R3HCC1: variants seen among roughly 807,000 people sequenced by gnomAD.
The protein encoded by R3HCC1 is R3H and coiled-coil domain-containing protein 1.
A neutral mutation model predicts 40.0 loss-of-function variants in R3HCC1; 32 were observed. That is an observed-to-expected ratio of 0.80 (90% confidence interval 0.60 to 1.07). The LOEUF is 1.07. Among genes scored for constraint, R3HCC1 ranks in the 50% least tolerant of loss-of-function variants. The pLI is 0.00. For synonymous variants in R3HCC1, 237 were observed against 232.8 expected (o/e 1.02, Z -0.17); for missense variants, 586 against 563.3 (o/e 1.04, Z -0.41).
chr8:23,292,191 G>A (rs1442638935), intron 5 of R3HCC1, among the ~76,000 whole-genome samples: 2 of 151,786 alleles, frequency 1.3e-5, no homozygotes, highest in African/African-American at 2.4e-5. Flanking sequence ...GCAGTGGTAC[G>A]ATCACAGCTT....
Position 23,291,528 on chromosome 8 carries a change from G to C in R3HCC1, c.1020G>C (p.Glu340Asp), listed in dbSNP as rs1802867394. 3 of 1,550,520 alleles carry C rather than the reference G, an allele frequency of 1.9e-6. No individual in the cohort carries two copies. Among genetic ancestry groups the C allele is most frequent in the Non-Finnish European group, 2.6e-6 (3 of 1,146,860 alleles). ...AGGACCTGCTGGCAACGTTTTCTGA[G>C]TTCCAGTGAGTGGTGGCTGGGGAGG... The change falls in exon 5 of 8, where the codon GAG (glutamate) becomes GAC (aspartate). Residue 340 changes from glutamate (E) to aspartate (D), a missense_variant. Coordinates refer to ENST00000265806, the MANE Select transcript of R3HCC1 (RefSeq NM_001136108.3).
intron 1 of R3HCC1, 45 bp from the exon 2 acceptor site, chr8:23,288,461 G>C: frequency 6.5e-7 from 1 of 1,528,642 alleles, no homozygotes. Flanking sequence ...CGGGAGATCC[G>C]GGGGTCTGTG....
In R3HCC1 at chr8:23,291,137, G is replaced by A. The variant is rs1802858254; in HGVS notation, c.853-224G>A. The A allele has an allele frequency of 1.3e-5, 6 of 469,642 alleles. No homozygotes were observed. The East Asian group carries it at 1.7e-4, about 13-fold the overall frequency. 29.1% of individuals were successfully genotyped at this position (469,642 alleles called of 1,614,324 possible). On this transcript the variant is annotated intron_variant, in intron 4 of 7. Coordinates refer to ENST00000265806, the MANE Select transcript of R3HCC1 (RefSeq NM_001136108.3). ...CAGGATTCTATGGAACATTATGTGT[G>A]TAATTGCCAGTCACTTAGTGGGGAC...
chr8:23,289,093 G>C lies in R3HCC1; in HGVS notation c.188G>C (p.Ser63Thr), dbSNP rs1263881006. ...ACAGCAGAGAATTTTGATCTCTTGA[G>C]CAGCTTCTCCGTTGGGGAGGGCTGG... The change falls in exon 3 of 8, where the codon AGC (serine) becomes ACC (threonine). Residue 63 changes from serine (S) to threonine (T), a missense_variant. Transcript: ENST00000265806. 1.3e-6 allele frequency: 2 copies of C among 1,536,496 alleles called. No homozygotes were observed. Among genetic ancestry groups the C allele is most frequent in the Admixed American group, 3.9e-5 (2 of 51,008 alleles).
At chr8:23,295,045 C>T (rs1232311580) in intron 7 of R3HCC1, among the ~76,000 whole-genome samples, 181 bp downstream of exon 7, 1 of 152,084 alleles carries the variant, frequency 6.6e-6, no homozygotes, top group African/African-American at 2.4e-5. Flanking sequence ...GGGCTGTGTT[C>T]CCCCTCCCTA....
rs1233229099 is a variant in R3HCC1, at chr8:23,293,381, A to AC, written c.1096+13dup. Reference sequence around the variant, plus strand: ...TTCCCTGCCTGGCCTCAGGTAAGGCACCCCCAGTGGGCCCAGCCCTTGCTC... The same window carrying AC: ...TTCCCTGCCTGGCCTCAGGTAAGGCACCCCCCAGTGGGCCCAGCCCTTGCTC... On this transcript the variant is annotated intron_variant, in intron 6 of 7. Transcript: ENST00000265806. 18 of 1,548,714 alleles carry AC rather than the reference A, an allele frequency of 1.2e-5. No homozygotes were observed. Among genetic ancestry groups the AC allele is most frequent in the Non-Finnish European group, 1.3e-5 (15 of 1,144,914 alleles).
Position 23,291,449 on chromosome 8 carries a change from A to G in R3HCC1, c.941A>G (p.Lys314Arg). ...TTCGTGGAGGAGCTGCCTGGAGAGA[A>G]GGACCTTGCCCACGTGGTAGAGATC... The change falls in exon 5 of 8, where the codon AAG becomes AGG. Residue 314 changes from lysine to arginine, a missense_variant. By Grantham distance (26) the Lys-to-Arg change is conservative (BLOSUM62 2). Transcript: ENST00000265806. 1 of 1,551,718 alleles carries G rather than the reference A, an allele frequency of 6.4e-7. No homozygotes were observed. The highest frequency in any genetic ancestry group is 8.7e-7 in the Non-Finnish European group (1 of 1,146,966).
Position 23,290,320 on chromosome 8 carries a change from G to C in R3HCC1, c.703G>C (p.Gly235Arg). The C allele has an allele frequency of 1.3e-6, 2 of 1,551,782 alleles. No individual in the cohort carries two copies. The highest frequency in any genetic ancestry group is 4.9e-5 in the East Asian group (2 of 40,930). Reference sequence around the variant, plus strand: ...CATGGTGGAGATGGCCACACGGTTTGGGTCCACCCTGCAGCTAGACCTGGA... The same window carrying C: ...CATGGTGGAGATGGCCACACGGTTTCGGTCCACCCTGCAGCTAGACCTGGA... Residue 235 changes from glycine to arginine, a missense_variant, in exon 4 of 8, where the codon GGG (glycine) becomes CGG (arginine). Coordinates refer to ENST00000265806, the MANE Select transcript of R3HCC1 (RefSeq NM_001136108.3).
chr8:23,291,960 A>AG (rs1802877227), intron 5 of R3HCC1, among the ~76,000 whole-genome samples: 1 of 152,156 alleles, frequency 6.6e-6, no homozygotes, highest in Non-Finnish European at 1.5e-5. Flanking sequence ...GGCAGAGTGG[A>AG]GGTCGGAATG....
chr8:23,288,976 C>T (rs1442245660), intron 2 of R3HCC1, 40 bp from the exon 3 acceptor site: 3 of 1,534,398 alleles, frequency 2.0e-6, no homozygotes, highest in African/African-American at 2.7e-5. Flanking sequence ...GGGGCCAGGC[C>T]CTGGACACCT....
rs1265816909 is a variant in R3HCC1 at position 23,289,889 on chromosome 8, C to G, written c.272C>G (p.Ser91Cys). The stretch of plus-strand genomic sequence containing the variant: ...AGGGTACCCAGTTCGGATGGCCTCT[C>G]TGGCCCCTGCCGCGCTCCTGCCTCC... The change falls in exon 4 of 8, where the codon TCT (serine) becomes TGT (cysteine). Residue 91 changes from serine (S) to cysteine (C), a missense_variant. Coordinates refer to ENST00000265806, the MANE Select transcript of R3HCC1 (RefSeq NM_001136108.3). 29 of 1,526,818 alleles carry G rather than the reference C, an allele frequency of 1.9e-5. No individual in the cohort carries two copies. The East Asian group carries it at 2.2e-4, about 12-fold the overall frequency. The allele number at this position is 1,526,818 out of a possible 1,614,324, so 94.6% of individuals were successfully genotyped here. A position where few individuals can be genotyped will look rare whatever the true frequency, so the allele number is the denominator to read the frequency against.
chr8:23,288,438 C>T (rs529548426), intron 1 of R3HCC1, 68 bp from the exon 2 acceptor site: 5 of 1,518,526 alleles, frequency 3.3e-6, no homozygotes, highest in South Asian at 1.2e-5. Context: ...TCGGTGCCGG[C>T]GTTGCGGGGT....
At chr8:23,295,851 C>T in intron 7 of R3HCC1, 116 bp from the exon 8 acceptor site, 5 of 1,363,346 alleles carry the variant, frequency 3.7e-6, no homozygotes, top group Middle Eastern at 1.9e-4. Context: ...TGGGCCGAGG[C>T]CCCACATGTG....
In R3HCC1 at chr8:23,289,972, C is replaced by T. The variant is rs1181909502; in HGVS notation, c.355C>T (p.Pro119Ser). 6.5e-7 allele frequency: 1 copy of T among 1,536,418 alleles called. No individual in the cohort carries two copies. Among genetic ancestry groups the T allele is most frequent in the Admixed American group, 2.0e-5 (1 of 51,010 alleles). Residue 119 changes from proline (P) to serine (S), a missense_variant, in exon 4 of 8, where the codon CCC becomes TCC. Transcript: ENST00000265806. ...CTCCAACCAAGGAGCAGCTGCGGTT[C>T]CCCGAGGTGCCCGGGCTGGCCGGTG...
rs1437040368 is a variant in R3HCC1, at chr8:23,293,349, G to C, written c.1072G>C (p.Gly358Arg). Residue 358 changes from glycine to arginine, a missense_variant, in exon 6 of 8, where the codon GGC (glycine) becomes CGC (arginine). Coordinates refer to ENST00000265806, the MANE Select transcript of R3HCC1 (RefSeq NM_001136108.3). ...GTGGGTGGATGATACTCACGCACTC[G>C]GCATCTTTCCCTGCCTGGCCTCAGG... The C allele has an allele frequency of 1.3e-6, 2 of 1,551,330 alleles. No individual in the cohort carries two copies.
At chr8:23,290,588 T>C in intron 4 of R3HCC1, 119 bp downstream of exon 4, 1 of 1,193,236 alleles carries the variant, frequency 8.4e-7, no homozygotes, top group Non-Finnish European at 1.1e-6. Flanking sequence ...GAGGTAGGGC[T>C]GGGTGTTGGG....
intron 1 of R3HCC1, 151 bp downstream of exon 1, chr8:23,288,308 C>A: frequency 9.0e-7 from 1 of 1,106,982 alleles, no homozygotes; most frequent in Non-Finnish European, 1.2e-6. Context: ...CGACCGCAGG[C>A]GGGGACGAGA....
chr8:23,294,632 A>G, intron 6 of R3HCC1, 137 bp from the exon 7 acceptor site: 1 of 681,484 alleles, frequency 1.5e-6, no homozygotes, highest in Non-Finnish European at 2.6e-6. Flanking sequence ...TCTCTTGCCC[A>G]TCCAGGGCGG....
intron 6 of R3HCC1, among the ~76,000 whole-genome samples, chr8:23,293,876 C>T (rs1466465136): frequency 1.3e-5 from 2 of 152,182 alleles, no homozygotes; most frequent in Non-Finnish European, 1.5e-5. Flanking sequence ...CTCTCAGTGT[C>T]ACAGCTCGGG....
Sources: gnomAD v4.1 joint callset for allele counts (sites outside exome capture counted in the v4.1 genomes callset) on GRCh38, gnomAD v4.1.1 for gene constraint, MANE v1.5 for transcripts, NCBI Gene and HGNC (gene_info 2026-07-23, HGNC 2026-07-21) for gene names.